Variants in SLC8A1 observed in about 807,000 individuals in gnomAD.
SLC8A1 encodes the protein solute carrier family 8 member A1.
A neutral mutation model predicts 68.3 loss-of-function variants in SLC8A1; 18 were observed. The ratio of observed to expected loss-of-function variants is 0.26; its 90% CI spans 0.18 to 0.39. The LOEUF is 0.39. Among genes scored for constraint, SLC8A1 ranks in the 10% least tolerant of loss-of-function variants. The probability of loss-of-function intolerance (pLI) is 1.00; values close to 1 mark genes in which losing one functional copy is unlikely to be tolerated. For missense variants in SLC8A1, 985 were observed against 1,156.7 expected (o/e 0.85, Z 2.15); for synonymous variants, 475 against 415.5 (o/e 1.14, Z -1.74).
chr2:40,253,219 TTACATA>T (rs2149047343), intron 2 of SLC8A1, among the ~76,000 whole-genome samples: 1 of 147,498 alleles, frequency 6.8e-6, no homozygotes, highest in South Asian at 2.1e-4. Context: ...CTATACATAT[TTACATA>T]TACATACATG....
chr2:40,218,854 G>C (rs1169734866), intron 2 of SLC8A1, among the ~76,000 whole-genome samples: 1 of 152,148 alleles, frequency 6.6e-6, no homozygotes, highest in Non-Finnish European at 1.5e-5. Context: ...CTGGGAATCT[G>C]GGCTCACCCC....
chr2:40,437,542 C>G (rs1161117776), intron 1 of SLC8A1, among the ~76,000 whole-genome samples: 1 of 152,014 alleles, frequency 6.6e-6, no homozygotes, highest in African/African-American at 2.4e-5. Flanking sequence ...GAAAGAATCC[C>G]TAGCAGTAAG....
At chr2:40,448,555 G>A (rs12105772) in intron 1 of SLC8A1, among the ~76,000 whole-genome samples, 14 of 152,172 alleles carry the variant, frequency 9.2e-5, no homozygotes, top group African/African-American at 3.1e-4. Flanking sequence ...AAATCCACTG[G>A]TTTTGTTAGC....
At chr2:40,235,535 C>G (rs923995066) in intron 2 of SLC8A1, among the ~76,000 whole-genome samples, 65 of 151,868 alleles carry the variant, frequency 4.3e-4, no homozygotes, top group African/African-American at 1.5e-3. Flanking sequence ...TTTTGTTGAT[C>G]CTTTCAAAAA....
intron 2 of SLC8A1, among the ~76,000 whole-genome samples, chr2:40,333,032 T>C (rs11901130): frequency 0.013 from 1,954 of 152,332 alleles, 37 homozygotes; most frequent in African/African-American, 0.044. Flanking sequence ...TTTTTAATGC[T>C]TCTGAATTAT....
chr2:40,253,253 GTATACATATATACA>G (rs988720463), intron 2 of SLC8A1, among the ~76,000 whole-genome samples: 1 of 148,128 alleles, frequency 6.8e-6, no homozygotes, highest in Non-Finnish European at 1.5e-5. Flanking sequence ...ATACACATAT[GTATACATATATACA>G]TGTACATATG....
chr2:40,242,860 C>T (rs1319227614), intron 2 of SLC8A1, among the ~76,000 whole-genome samples: 1 of 152,210 alleles, frequency 6.6e-6, no homozygotes, highest in African/African-American at 2.4e-5. Context: ...ACGAGAAAGA[C>T]AAACTTCACA....
In SLC8A1 at chr2:40,325,113, GA is replaced by G. The variant is rs147527976; in HGVS notation, c.1808+103359del. On this transcript the variant is annotated intron_variant, in intron 2 of 7. Transcript: ENST00000406785. ...CCTCCCCACAGACAGAGTCTGTAGAGAAAAAAAAAAACTACAATTAATTCCT... is the reference window on the plus strand; with the variant it reads ...CCTCCCCACAGACAGAGTCTGTAGAGAAAAAAAAAACTACAATTAATTCCT... Among the ~76,000 whole-genome samples the G allele has an allele frequency of 1.6e-3, 228 of 144,424 alleles. 1 individual carries two copies. The highest frequency in any genetic ancestry group is 4.9e-3 in the African/African-American group (193 of 39,456). 94.7% of individuals were successfully genotyped at this position (144,424 alleles called of 152,430 possible). A position where few individuals can be genotyped will look rare whatever the true frequency, so the allele number is the denominator to read the frequency against.
chr2:40,375,068 C>G (rs75610050), intron 2 of SLC8A1, among the ~76,000 whole-genome samples: 1 of 151,994 alleles, frequency 6.6e-6, no homozygotes, highest in Non-Finnish European at 1.5e-5. Context: ...GAGAACAGCC[C>G]TGTCATTATG....
intron 2 of SLC8A1, among the ~76,000 whole-genome samples, chr2:40,411,498 A>G (rs1486138255): frequency 2.0e-5 from 3 of 152,052 alleles, no homozygotes; most frequent in African/African-American, 4.8e-5. Flanking sequence ...AATTTAGCCT[A>G]AAGAACTAAT....
chr2:40,199,249 C>T (rs1424610057), intron 2 of SLC8A1, among the ~76,000 whole-genome samples: 2 of 151,736 alleles, frequency 1.3e-5, no homozygotes, highest in Non-Finnish European at 2.9e-5. Flanking sequence ...TCAGATCTAT[C>T]ATAGTGGTGG....
intron 2 of SLC8A1, among the ~76,000 whole-genome samples, chr2:40,274,486 C>T (rs920706164): frequency 2.6e-5 from 4 of 152,030 alleles, no homozygotes; most frequent in East Asian, 1.9e-4. Flanking sequence ...AACCGTTTAA[C>T]GCTTGTGTGT....
At chr2:40,390,378 CTG>C (rs1282591636) in intron 2 of SLC8A1, among the ~76,000 whole-genome samples, 1 of 152,068 alleles carries the variant, frequency 6.6e-6, no homozygotes, top group East Asian at 1.9e-4. Context: ...GCTCCAAAGT[CTG>C]TGGCAATTTC....
At chr2:40,327,298 T>C (rs997151587) in intron 2 of SLC8A1, among the ~76,000 whole-genome samples, 22 of 152,238 alleles carry the variant, frequency 1.4e-4, no homozygotes, top group Non-Finnish European at 5.9e-5. Context: ...ACTGTTACAA[T>C]ACTGGACCTT....
At chr2:40,428,726 C>G in exon 2 of SLC8A1, 1 of 1,613,802 alleles carries the variant, frequency 6.2e-7, no homozygotes, top group Non-Finnish European at 8.5e-7. Flanking sequence ...CCGAGGCAAG[C>G]AAGTGTAGAA....
intron 1 of SLC8A1, among the ~76,000 whole-genome samples, chr2:40,443,821 T>C (rs1294590125): frequency 6.6e-6 from 1 of 152,208 alleles, no homozygotes; most frequent in Non-Finnish European, 1.5e-5. Context: ...ATTCGAATCC[T>C]ACACTTTGGC....
At chr2:40,496,366 A>G (rs1705701104) in intron 1 of SLC8A1, among the ~76,000 whole-genome samples, 1 of 152,260 alleles carries the variant, frequency 6.6e-6, no homozygotes, top group Admixed American at 6.6e-5. Flanking sequence ...AAAGGATTTC[A>G]GAACTATCTG....
intron 2 of SLC8A1, among the ~76,000 whole-genome samples, chr2:40,404,037 A>T (rs1391860008): frequency 6.6e-6 from 1 of 152,198 alleles, no homozygotes; most frequent in African/African-American, 2.4e-5. Flanking sequence ...ACCTTAGACT[A>T]TCAAGATAAA....
chr2:40,269,535 T>C (rs955940625), intron 2 of SLC8A1, among the ~76,000 whole-genome samples: 1 of 152,188 alleles, frequency 6.6e-6, no homozygotes, highest in Admixed American at 6.5e-5. Context: ...GCAGAACCCT[T>C]TATTTCCCAT....
Sources: allele counts gnomAD v4.1 joint callset (sites outside exome capture counted in the v4.1 genomes callset), GRCh38; gene constraint gnomAD v4.1.1; transcripts MANE v1.5; gene names NCBI Gene and HGNC (gene_info 2026-07-23, HGNC 2026-07-21).